CLSTN2: variants seen among roughly 807,000 people sequenced by gnomAD.
CLSTN2 encodes calsyntenin-2.
Under a neutral mutation model 101.2 loss-of-function variants are expected in CLSTN2, and 48 were observed. The ratio of observed to expected loss-of-function variants is 0.47; its 90% CI spans 0.38 to 0.60. The LOEUF (loss-of-function observed/expected upper bound fraction) is 0.60. Ranked by LOEUF, CLSTN2 falls within the 20% of genes least tolerant of loss-of-function variation. The pLI, the probability that CLSTN2 is intolerant of heterozygous loss-of-function variation, is 0.00. For missense variants in CLSTN2, 1,160 were observed against 1,238.2 expected, an observed-to-expected ratio of 0.94 and a Z score of 0.95; for synonymous variants, 481 against 463.6, an observed-to-expected ratio of 1.04 and a Z score of -0.48.
intron 8 of CLSTN2, among the ~76,000 whole-genome samples, chr3:140,509,078 TAC>T (rs1576604553): frequency 1.3e-5 from 2 of 152,176 alleles, no homozygotes; most frequent in East Asian, 3.9e-4. Flanking sequence ...AGGGGCTGGC[TAC>T]AGTCTGTTTT....
At chr3:140,278,699 C>G (rs929293541) in intron 2 of CLSTN2, among the ~76,000 whole-genome samples, 1 of 152,160 alleles carries the variant, frequency 6.6e-6, no homozygotes, top group South Asian at 2.1e-4. Flanking sequence ...ACAGTTACCT[C>G]TTTGCCAGTT....
At chr3:140,412,941 A>G (rs1396591082) in intron 4 of CLSTN2, among the ~76,000 whole-genome samples, 4 of 152,220 alleles carry the variant, frequency 2.6e-5, no homozygotes, top group Non-Finnish European at 4.4e-5. Context: ...CTAAATTTTA[A>G]AAGAAGAAAG....
intron 2 of CLSTN2, among the ~76,000 whole-genome samples, chr3:140,218,843 G>C (rs2086235076): frequency 6.6e-6 from 1 of 152,096 alleles, no homozygotes; most frequent in African/African-American, 2.4e-5. Flanking sequence ...GAATCCCCCA[G>C]GGGGACAAGA....
chr3:140,156,464 G>T (rs1389502675), intron 1 of CLSTN2, among the ~76,000 whole-genome samples: 1 of 152,128 alleles, frequency 6.6e-6, no homozygotes, highest in Non-Finnish European at 1.5e-5. Flanking sequence ...AACTTTAAGG[G>T]AACTGAGGAC....
chr3:140,123,789 G>T (rs146422119), intron 1 of CLSTN2, among the ~76,000 whole-genome samples: 1 of 151,052 alleles, frequency 6.6e-6, no homozygotes, highest in African/African-American at 2.4e-5. Context: ...CACATGAGGG[G>T]AGAGAGATGG....
chr3:140,245,078 C>T lies in CLSTN2; in HGVS notation c.232+69005C>T, dbSNP rs114167889. ...AGTCTTGATTTCTCAGAAGGTACTTCGGGAGACCCTGATCTAGTTATTCTG... is the reference window on the plus strand; with the variant it reads ...AGTCTTGATTTCTCAGAAGGTACTTTGGGAGACCCTGATCTAGTTATTCTG... On this transcript the variant is annotated intron_variant, in intron 2 of 16. Transcript: ENST00000458420. Among the ~76,000 whole-genome samples, 412 of 152,260 alleles carry T rather than the reference C, an allele frequency of 2.7e-3. 1 individual carries two copies. The highest frequency in any genetic ancestry group is 9.4e-3 in the African/African-American group (391 of 41,550).
Position 139,990,255 on chromosome 3 carries a change from C to T in CLSTN2, c.109+54772C>T, listed in dbSNP as rs78652708. 1.3e-4 allele frequency among the ~76,000 whole-genome samples: 20 copies of T among 152,268 alleles called. No individual in the cohort carries two copies. The East Asian group carries it at 3.9e-3, about 29-fold the overall frequency. ...ATGTCAATAAGTTTGGTCCAGAAGG[C>T]ATAACTGCTAAAATACCATGAAGAA... On this transcript the variant is annotated intron_variant, in intron 1 of 16. Coordinates refer to ENST00000458420, the MANE Select transcript of CLSTN2 (RefSeq NM_022131.3).
chr3:140,237,023 T>C (rs903259809), intron 2 of CLSTN2, among the ~76,000 whole-genome samples: 2 of 152,102 alleles, frequency 1.3e-5, no homozygotes, highest in East Asian at 1.9e-4. Flanking sequence ...CTCCTTATCA[T>C]GAGTCATGTT....
chr3:140,160,062 T>C (rs1211487490), intron 1 of CLSTN2, among the ~76,000 whole-genome samples: 1 of 152,050 alleles, frequency 6.6e-6, no homozygotes, highest in East Asian at 1.9e-4. Flanking sequence ...CCTAGAGTAC[T>C]GTGTTCACTA....
intron 1 of CLSTN2, among the ~76,000 whole-genome samples, chr3:139,943,582 G>A (rs1935169672): frequency 6.6e-6 from 1 of 152,154 alleles, no homozygotes; most frequent in South Asian, 2.1e-4. Context: ...ATCCTGGGGT[G>A]TCTACTTCCA....
chr3:140,273,387 T>C (rs1038186175), intron 2 of CLSTN2, among the ~76,000 whole-genome samples: 1 of 152,110 alleles, frequency 6.6e-6, no homozygotes, highest in Non-Finnish European at 1.5e-5. Flanking sequence ...TAAGAATATA[T>C]ATATTTACCA....
intron 8 of CLSTN2, among the ~76,000 whole-genome samples, chr3:140,498,032 C>T (rs973441479): frequency 5.3e-5 from 8 of 152,284 alleles, no homozygotes; most frequent in Admixed American, 4.6e-4. Flanking sequence ...AGTCCCAATG[C>T]GAGAACCTAG....
At chr3:140,355,001 T>C (rs1204242359) in intron 2 of CLSTN2, among the ~76,000 whole-genome samples, 1 of 152,166 alleles carries the variant, frequency 6.6e-6, no homozygotes, top group African/African-American at 2.4e-5. Context: ...CTAGGAGGCA[T>C]CTGAAGAAGC....
At chr3:140,121,484 T>C (rs1336375758) in intron 1 of CLSTN2, among the ~76,000 whole-genome samples, 1 of 152,098 alleles carries the variant, frequency 6.6e-6, no homozygotes, top group Non-Finnish European at 1.5e-5. Context: ...TTCCAACACA[T>C]AGTAGGGACT....
At chr3:140,527,150 C>T (rs1444988414) in intron 8 of CLSTN2, among the ~76,000 whole-genome samples, 1 of 152,076 alleles carries the variant, frequency 6.6e-6, no homozygotes, top group South Asian at 2.1e-4. Context: ...AAACAGCCTA[C>T]AGGATGGGAG....
intron 1 of CLSTN2, among the ~76,000 whole-genome samples, chr3:140,095,831 C>G (rs1390069078): frequency 6.6e-6 from 1 of 152,128 alleles, no homozygotes; most frequent in Non-Finnish European, 1.5e-5. Context: ...ACGGTGACAG[C>G]CATTCCAAAC....
In CLSTN2 at chr3:140,398,859, A is replaced by T. The variant is rs1229540859; in HGVS notation, c.233-4770A>T. Among the ~76,000 whole-genome samples the T allele has an allele frequency of 5.3e-5, 8 of 152,364 alleles. No homozygotes were observed. In the South Asian group the frequency reaches 1.4e-3, roughly 28 times the overall value. On this transcript the variant is annotated intron_variant, in intron 2 of 16. Coordinates refer to ENST00000458420, the MANE Select transcript of CLSTN2 (RefSeq NM_022131.3). ...AATCCTATGTGAGGTATTAGGAGAC[A>T]ACTACACCAACTTCTGCTGGTGTCT...
intron 2 of CLSTN2, among the ~76,000 whole-genome samples, chr3:140,262,956 T>C (rs188860581): frequency 2.6e-5 from 4 of 152,032 alleles, no homozygotes; most frequent in African/African-American, 9.6e-5. Context: ...GTTATTCAGA[T>C]TTGCAGGATG....
chr3:140,039,389 C>T (rs1274314852), intron 1 of CLSTN2, among the ~76,000 whole-genome samples: 1 of 152,152 alleles, frequency 6.6e-6, no homozygotes, highest in African/African-American at 2.4e-5. Flanking sequence ...TTCTTTCCCC[C>T]CTTACTCCCA....
Sources: gnomAD v4.1 joint callset for allele counts (sites outside exome capture counted in the v4.1 genomes callset) on GRCh38, gnomAD v4.1.1 for gene constraint, MANE v1.5 for transcripts, NCBI Gene and HGNC (gene_info 2026-07-23, HGNC 2026-07-21) for gene names.